The following BANK1 variants were observed in gnomAD, a reference collection of about 807,000 sequenced individuals.
BANK1 encodes B cell scaffold protein with ankyrin repeats 1.
BANK1 carries 95 observed loss-of-function variants against 94.5 expected under a neutral mutation model. The observed-to-expected ratio is 1.00, with a 90% CI of 0.85 to 1.19. The LOEUF is 1.19. BANK1 is among the 50% of genes most tolerant of loss of function. BANK1 has a pLI of 0.00. For missense variants in BANK1, 987 were observed against 932.2 expected, an observed-to-expected ratio of 1.06 and a Z score of -0.77; for synonymous variants, 334 against 308.4, an observed-to-expected ratio of 1.08 and a Z score of -0.87.
intron 7 of BANK1, among the ~76,000 whole-genome samples, chr4:101,944,660 C>T (rs1723871630): frequency 6.6e-6 from 1 of 151,956 alleles, no homozygotes; most frequent in Admixed American, 6.6e-5. Flanking sequence ...AAAGGACATA[C>T]ACACTTATGG....
intron 7 of BANK1, among the ~76,000 whole-genome samples, chr4:101,938,498 T>C (rs979034160): frequency 6.6e-6 from 1 of 151,606 alleles, no homozygotes; most frequent in Non-Finnish European, 1.5e-5. Flanking sequence ...AGGTGATGGA[T>C]ACCCCATTTA....
At chr4:101,808,060 C>T (rs541846769) in intron 1 of BANK1, among the ~76,000 whole-genome samples, 10 of 145,680 alleles carry the variant, frequency 6.9e-5, no homozygotes, top group Non-Finnish European at 1.0e-4. Flanking sequence ...GCACTCCAGC[C>T]GGGGTGACAG....
chr4:101,822,127 G>C (rs1034611818), intron 1 of BANK1, among the ~76,000 whole-genome samples: 38 of 152,190 alleles, frequency 2.5e-4, no homozygotes, highest in African/African-American at 8.9e-4. Context: ...GGCCTAGGTG[G>C]GTGGATCACT....
chr4:101,793,643 T>C (rs1368393837), intron 1 of BANK1, among the ~76,000 whole-genome samples: 2 of 152,164 alleles, frequency 1.3e-5, no homozygotes, highest in African/African-American at 4.8e-5. Context: ...CCCAGCTTCA[T>C]TGCCTGTCTC....
chr4:101,870,331 T>C (rs1560609654), intron 4 of BANK1, among the ~76,000 whole-genome samples, 174 bp from the exon 5 acceptor site: 1 of 152,066 alleles, frequency 6.6e-6, no homozygotes, highest in Non-Finnish European at 1.5e-5. Context: ...TCTAAAATTG[T>C]ACATTTCATT....
At position 101,790,862 on chromosome 4, in the gene BANK1, C is replaced by A. The variant is rs993741664; in HGVS notation, c.-19C>A. On this transcript the variant is annotated 5_prime_UTR_variant, in exon 1 of 17. Coordinates refer to ENST00000322953, the MANE Select transcript of BANK1 (RefSeq NM_017935.5). ...TCGGCGGGCAGCAGTGCGCAGGCCC[C>A]TCGGCTTCAACCGCCACAATGCTGC... The A allele has an allele frequency of 9.1e-6, 14 of 1,536,812 alleles. 1 individual carries two copies. The highest frequency in any genetic ancestry group is 2.5e-5 in the East Asian group (1 of 40,752).
At chr4:101,805,689 T>C (rs192205723) in intron 1 of BANK1, among the ~76,000 whole-genome samples, 271 of 150,830 alleles carry the variant, frequency 1.8e-3, no homozygotes, top group African/African-American at 6.5e-3. Flanking sequence ...CAGATAAATA[T>C]ACAAATAAAG....
chr4:101,882,835 A>C (rs2148886168), intron 5 of BANK1, among the ~76,000 whole-genome samples: 1 of 152,248 alleles, frequency 6.6e-6, no homozygotes, highest in African/African-American at 2.4e-5. Context: ...ATATGTGGGC[A>C]CTCTGTGTAT....
At chr4:101,929,876 A>G (rs1723286211) in intron 7 of BANK1, among the ~76,000 whole-genome samples, 1 of 151,498 alleles carries the variant, frequency 6.6e-6, no homozygotes. Flanking sequence ...AATTTAATTG[A>G]AGTCTAGTTA....
chr4:101,906,370 C>T (rs1057461182), intron 6 of BANK1, among the ~76,000 whole-genome samples: 1 of 152,118 alleles, frequency 6.6e-6, no homozygotes, highest in African/African-American at 2.4e-5. Context: ...AAGGGAACTG[C>T]CAAGCCTCTA....
intron 6 of BANK1, among the ~76,000 whole-genome samples, chr4:101,905,419 C>G (rs1040961859): frequency 6.6e-6 from 1 of 152,138 alleles, no homozygotes; most frequent in East Asian, 1.9e-4. Context: ...ATGGGACGGC[C>G]CCCTCACGGT....
chr4:102,005,603 A>T (rs1237126027), intron 7 of BANK1, among the ~76,000 whole-genome samples: 2 of 152,126 alleles, frequency 1.3e-5, no homozygotes, highest in African/African-American at 2.4e-5. Flanking sequence ...AATAGACATC[A>T]TTGGTTGAAA....
Position 102,004,074 on chromosome 4 carries a change from A to G in BANK1, c.1207-17440A>G, listed in dbSNP as rs114223661. On this transcript the variant is annotated intron_variant, in intron 7 of 16. Transcript: ENST00000322953. ...CCTATTCCTTTTTTTTTCCACAGCA[A>G]CTATAATCACCTGGCCTGTTATATA... is the stretch of plus-strand genomic sequence containing the variant. Among the ~76,000 whole-genome samples the G allele has an allele frequency of 5.7e-3, 870 of 152,154 alleles. 7 individuals carry two copies. The highest frequency in any genetic ancestry group is 0.019 in the African/African-American group (809 of 41,516).
In BANK1 at chr4:101,803,604, G is replaced by T. The variant is rs77394875; in HGVS notation, c.70+12654G>T. ...TGAAAACACAGATTTGAACTTCATG[G>T]GTCTACTTATATGTGGATTTTTTTC... On this transcript the variant is annotated intron_variant, in intron 1 of 16. Coordinates refer to ENST00000322953, the MANE Select transcript of BANK1 (RefSeq NM_017935.5). 2.9e-3 allele frequency among the ~76,000 whole-genome samples: 443 copies of T among 152,062 alleles called. 2 individuals carry two copies. The highest frequency in any genetic ancestry group is 0.01 in the African/African-American group (416 of 41,480).
At chr4:102,063,742 G>A (rs1302520040) in intron 13 of BANK1, among the ~76,000 whole-genome samples, 1 of 150,736 alleles carries the variant, frequency 6.6e-6, no homozygotes, top group East Asian at 2.0e-4. Flanking sequence ...GAACCCCCCC[G>A]GAAGGCACAG....
Position 101,895,407 on chromosome 4 carries a change from A to G in BANK1, c.1006A>G (p.Lys336Glu). 1 of 1,520,886 alleles carries G rather than the reference A, an allele frequency of 6.6e-7. No homozygotes were observed. Among genetic ancestry groups the G allele is most frequent in the South Asian group, 1.2e-5 (1 of 86,298 alleles). The allele number at this position is 1,520,886 out of a possible 1,614,324, so 94.2% of individuals were successfully genotyped here. Residue 336 changes from lysine to glutamate, a missense_variant, in exon 6 of 17, where the codon AAA becomes GAA. Physicochemically the swap from Lys to Glu is moderately conservative, Grantham distance 56 (BLOSUM62 1). Coordinates refer to ENST00000322953, the MANE Select transcript of BANK1 (RefSeq NM_017935.5). ...TCAAACTGAAATTTGTTCTCAAAAC[A>G]AATGTGAGTATTTTCCAGCTGCATC... ...SLQTEICSQN[K>E]YTHFKELPTL...
At chr4:102,045,834 G>A (rs1727858781) in intron 11 of BANK1, among the ~76,000 whole-genome samples, 1 of 151,920 alleles carries the variant, frequency 6.6e-6, no homozygotes, top group South Asian at 2.1e-4. Flanking sequence ...TCATGGGTAG[G>A]AAGAATCAAT....
chr4:101,968,385 A>T (rs2631243), intron 7 of BANK1, among the ~76,000 whole-genome samples: 11,212 of 152,188 alleles, frequency 0.074, 618 homozygotes, highest in East Asian at 0.19. Flanking sequence ...GAACATTGTG[A>T]TATGTCTGCT....
At chr4:101,966,594 A>G (rs1274008981) in intron 7 of BANK1, among the ~76,000 whole-genome samples, 2 of 152,048 alleles carry the variant, frequency 1.3e-5, no homozygotes, top group African/African-American at 4.8e-5. Flanking sequence ...AAAGATAATT[A>G]ATTAGACTTT....
Sources: gnomAD v4.1 joint callset for allele counts (sites outside exome capture counted in the v4.1 genomes callset) on GRCh38, gnomAD v4.1.1 for gene constraint, MANE v1.5 for transcripts, NCBI Gene and HGNC (gene_info 2026-07-23, HGNC 2026-07-21) for gene names.